The following ZNF423 variants were observed in gnomAD, a reference collection of about 807,000 sequenced individuals.
ZNF423 encodes Ebf-associated zinc finger protein.
Under a neutral mutation model 95.8 loss-of-function variants are expected in ZNF423, and 12 were observed. That is an observed-to-expected ratio of 0.13 (90% CI 0.08 to 0.20). The LOEUF (loss-of-function observed/expected upper bound fraction) is 0.20, where lower values mean the gene tolerates loss of function less well. ZNF423 is among the 10% of genes least tolerant of loss of function. The probability of loss-of-function intolerance (pLI) is 1.00; values close to 1 mark genes in which losing one functional copy is unlikely to be tolerated. For missense variants in ZNF423, 1,316 were observed against 1,737.1 expected (o/e 0.76, Z 4.31); for synonymous variants, 749 against 711.9 (o/e 1.05, Z -0.83).
At chr16:49,564,163 T>G (rs1483833030) in intron 5 of ZNF423, among the ~76,000 whole-genome samples, 1 of 152,232 alleles carries the variant, frequency 6.6e-6, no homozygotes, top group East Asian at 1.9e-4. Flanking sequence ...TTGCTATAGA[T>G]GTACCACAAA....
At chr16:49,669,053 T>G (rs1256475696) in intron 3 of ZNF423, among the ~76,000 whole-genome samples, 4 of 152,080 alleles carry the variant, frequency 2.6e-5, no homozygotes, top group Non-Finnish European at 4.4e-5. Flanking sequence ...ATCTCAACCA[T>G]GCGCGGCAGC....
rs188676720 is a variant in ZNF423 at position 49,698,208 on chromosome 16, T to A, written c.301+32563A>T. The stretch of plus-strand genomic sequence containing the variant: ...CTTGTTTGTTTGTAACATTTTTTTT[T>A]AAACCAGGTCTCTAATTGTGTCTTT... On this transcript the variant is annotated intron_variant, in intron 3 of 7. Coordinates refer to ENST00000563137, the MANE Select transcript of ZNF423 (RefSeq NM_001379286.1). Among the ~76,000 whole-genome samples, 1,511 of 152,230 alleles carry A rather than the reference T, an allele frequency of 9.9e-3. 21 individuals carry two copies. The highest frequency in any genetic ancestry group is 0.034 in the African/African-American group (1,394 of 41,522).
chr16:49,645,248 T>C (rs998177810), intron 3 of ZNF423, among the ~76,000 whole-genome samples: 40 of 152,282 alleles, frequency 2.6e-4, no homozygotes, highest in African/African-American at 9.1e-4. Context: ...CTGTGGCCCT[T>C]CCCTAAGCTC....
chr16:49,692,040 C>G lies in ZNF423; in HGVS notation c.301+38731G>C, dbSNP rs2031803532. Among the ~76,000 whole-genome samples, 4 of 152,134 alleles carry G rather than the reference C, an allele frequency of 2.6e-5. No individual in the cohort carries two copies. The South Asian group carries it at 8.3e-4, about 31-fold the overall frequency. On this transcript the variant is annotated intron_variant, in intron 3 of 7. Coordinates refer to ENST00000563137, the MANE Select transcript of ZNF423 (RefSeq NM_001379286.1). ...TCGCGGCTCACTGCAACCTCCACCT[C>G]CCAGGCTCAAGAGATCCTCTAGCCT...
At chr16:49,557,630 G>T (rs1469825081) in intron 5 of ZNF423, among the ~76,000 whole-genome samples, 1 of 152,222 alleles carries the variant, frequency 6.6e-6, no homozygotes. Flanking sequence ...CCTCTGGGCT[G>T]GGGCTGGAGG....
chr16:49,553,820 A>T (rs760495037), intron 5 of ZNF423, among the ~76,000 whole-genome samples: 27 of 152,222 alleles, frequency 1.8e-4, no homozygotes, highest in Non-Finnish European at 3.1e-4. Context: ...TCCCCTGTTT[A>T]TAAGATTCTC....
chr16:49,728,376 T>G (rs2033081220), intron 3 of ZNF423, among the ~76,000 whole-genome samples: 1 of 152,198 alleles, frequency 6.6e-6, no homozygotes, highest in Non-Finnish European at 1.5e-5. Context: ...GTTGTTTCCC[T>G]CATTCTTTCA....
chr16:49,813,761 C>A lies in ZNF423; in HGVS notation c.41-24215G>T, dbSNP rs567116594. Among the ~76,000 whole-genome samples the A allele has an allele frequency of 2.6e-5, 4 of 152,354 alleles. No homozygotes were observed. In the South Asian group the frequency reaches 6.2e-4, roughly 24 times the overall value. ...GGCTTCTGTCACCTGCACCACTGAA[C>A]CCTGCTGGACAGGAAACCAGCACAG... is the stretch of plus-strand genomic sequence containing the variant. On this transcript the variant is annotated intron_variant, in intron 1 of 7. Transcript: ENST00000563137.
chr16:49,783,336 G>A (rs1034835426), intron 2 of ZNF423, among the ~76,000 whole-genome samples: 4 of 150,800 alleles, frequency 2.7e-5, no homozygotes, highest in African/African-American at 9.8e-5. Flanking sequence ...GGGGATTAGG[G>A]TTAGCATTAC....
At chr16:49,779,019 C>T (rs546842777) in intron 2 of ZNF423, among the ~76,000 whole-genome samples, 1 of 152,096 alleles carries the variant, frequency 6.6e-6, no homozygotes, top group Non-Finnish European at 1.5e-5. Flanking sequence ...GTATCTAGAC[C>T]TCAAACCCAG....
chr16:49,692,306 G>T (rs1255767937), intron 3 of ZNF423, among the ~76,000 whole-genome samples: 1 of 152,050 alleles, frequency 6.6e-6, no homozygotes, highest in Non-Finnish European at 1.5e-5. Context: ...CTTCCCATGG[G>T]CTATAAGGGG....
intron 5 of ZNF423, among the ~76,000 whole-genome samples, chr16:49,615,803 G>A (rs538818837): frequency 1.3e-5 from 2 of 152,174 alleles, no homozygotes; most frequent in Non-Finnish European, 1.5e-5. Flanking sequence ...AAATGGTCTC[G>A]CCTCCCTACA....
chr16:49,692,506 G>A (rs1022179858), intron 3 of ZNF423, among the ~76,000 whole-genome samples: 18 of 152,328 alleles, frequency 1.2e-4, no homozygotes, highest in Non-Finnish European at 2.2e-4. Flanking sequence ...CCAAGAACCA[G>A]CACCTTAACC....
At chr16:49,555,299 C>A (rs995678070) in intron 5 of ZNF423, among the ~76,000 whole-genome samples, 1 of 152,192 alleles carries the variant, frequency 6.6e-6, no homozygotes, top group African/African-American at 2.4e-5. Flanking sequence ...ACCTGGAGCA[C>A]CAGTAATTCA....
chr16:49,641,031 GCTT>G (rs1368434371), intron 3 of ZNF423, among the ~76,000 whole-genome samples: 16 of 152,202 alleles, frequency 1.1e-4, no homozygotes, highest in Admixed American at 9.8e-4. Context: ...GGCTGGACTG[GCTT>G]CTTATTATTT....
intron 2 of ZNF423, among the ~76,000 whole-genome samples, chr16:49,778,793 T>G (rs1422880903): frequency 6.6e-6 from 1 of 152,166 alleles, no homozygotes; most frequent in Non-Finnish European, 1.5e-5. Context: ...AGCTCAGAGC[T>G]AAGCTCCTAT....
intron 5 of ZNF423, among the ~76,000 whole-genome samples, chr16:49,590,382 C>G (rs995923355): frequency 1.3e-5 from 2 of 152,074 alleles, no homozygotes; most frequent in South Asian, 2.1e-4. Context: ...GCACTCACAC[C>G]GGCCACGTTT....
chr16:49,638,423 G>A lies in ZNF423; in HGVS notation c.753C>T (p.Ala251=). 1.2e-6 allele frequency: 2 copies of A among 1,613,868 alleles called. No individual in the cohort carries two copies. Among genetic ancestry groups the A allele is most frequent in the South Asian group, 1.1e-5 (1 of 91,072 alleles). The stretch of plus-strand genomic sequence containing the variant: ...CCAGATGCTCCTTGTTCTTTTTGTG[G>A]GCCTGCATGTGGCTCTGCAGCGAGC... The part of the protein sequence containing the change: ...STSSLQSHMQ[A]HKKNKEHLAK... The change falls in exon 4 of 8, where the codon GCC becomes GCT. Residue 251 remains alanine, a synonymous_variant. Coordinates refer to ENST00000563137, the MANE Select transcript of ZNF423 (RefSeq NM_001379286.1). The surrounding 1 kb of genome is among the most constrained non-coding windows in gnomAD (Gnocchi z 5.6).
chr16:49,711,986 G>C (rs1470530004), intron 3 of ZNF423: 2 of 151,908 alleles, frequency 1.3e-5, no homozygotes, highest in African/African-American at 4.8e-5. Context: ...AGCCAGAAAT[G>C]GGGCCACATG....
Sources: allele counts gnomAD v4.1 joint callset (sites outside exome capture counted in the v4.1 genomes callset), GRCh38; gene constraint gnomAD v4.1.1; non-coding constraint Gnocchi (gnomAD v3.1); transcripts MANE v1.5; gene names NCBI Gene and HGNC (gene_info 2026-07-23, HGNC 2026-07-21).